Variants in MARCHF4 observed in about 807,000 individuals in gnomAD.
MARCHF4 encodes membrane associated ring-CH-type finger 4.
A neutral mutation model predicts 43.9 loss-of-function variants in MARCHF4; 14 were observed. The observed-to-expected ratio is 0.32, with a 90% CI of 0.21 to 0.50. The LOEUF (loss-of-function observed/expected upper bound fraction) is 0.50, where lower values mean the gene tolerates loss of function less well. Ranked by LOEUF, MARCHF4 falls within the 20% of genes least tolerant of loss-of-function variation. MARCHF4 has a pLI of 0.98. For missense variants in MARCHF4, 468 were observed against 536.7 expected (o/e 0.87, Z 1.27); for synonymous variants, 226 against 213.3 (o/e 1.06, Z -0.52).
intron 1 of MARCHF4, among the ~76,000 whole-genome samples, chr2:216,362,585 G>A (rs575638849): frequency 1.1e-4 from 16 of 152,286 alleles, no homozygotes; most frequent in African/African-American, 3.6e-4. Flanking sequence ...AGTACAATTC[G>A]CTGGGTTCAG....
At chr2:216,272,686 G>A (rs149597903) in intron 3 of MARCHF4, among the ~76,000 whole-genome samples, 16 of 152,220 alleles carry the variant, frequency 1.1e-4, no homozygotes, top group African/African-American at 1.9e-4. Context: ...GGGGCTAATC[G>A]GTTTCTCTCT....
rs997933342 is a variant in MARCHF4, at chr2:216,258,081, C to T, written c.*1231G>A. 3 of 152,148 alleles carry T rather than the reference C, an allele frequency of 2.0e-5. No homozygotes were observed. The highest frequency in any genetic ancestry group is 4.4e-5 in the Non-Finnish European group (3 of 68,076). The allele number at this position is 152,148 out of a possible 1,614,324, so 9.4% of individuals were successfully genotyped here. A position where few individuals can be genotyped will look rare whatever the true frequency, so the allele number is the denominator to read the frequency against. On this transcript the variant is annotated 3_prime_UTR_variant, in exon 4 of 4. Transcript: ENST00000273067. Reference sequence around the variant, plus strand: ...GGTCCCCAGAGCGAGCAGGAGGGGTCCAGGGGTAGTGCTCCCTGCCAGGCA... The same window carrying T: ...GGTCCCCAGAGCGAGCAGGAGGGGTTCAGGGGTAGTGCTCCCTGCCAGGCA...
chr2:216,310,821 C>T (rs1691674223), intron 1 of MARCHF4, among the ~76,000 whole-genome samples: 1 of 152,106 alleles, frequency 6.6e-6, no homozygotes, highest in Non-Finnish European at 1.5e-5. Flanking sequence ...TCATCCTGCA[C>T]AAGAGAGGTG....
intron 1 of MARCHF4, among the ~76,000 whole-genome samples, chr2:216,312,041 T>C (rs1691695065): frequency 6.6e-6 from 1 of 152,244 alleles, no homozygotes; most frequent in Non-Finnish European, 1.5e-5. Context: ...GTATATTGTG[T>C]ACTGGTGGGG....
At chr2:216,314,708 A>T (rs1646109561) in intron 1 of MARCHF4, among the ~76,000 whole-genome samples, 1 of 152,174 alleles carries the variant, frequency 6.6e-6, no homozygotes, top group South Asian at 2.1e-4. Context: ...AACCTCCTTT[A>T]GGTTATGTAA....
chr2:216,345,594 T>G (rs190618742), intron 1 of MARCHF4, among the ~76,000 whole-genome samples: 2 of 152,180 alleles, frequency 1.3e-5, no homozygotes, highest in African/African-American at 4.8e-5. Flanking sequence ...CCCCTAGGGA[T>G]TGACTTAATT....
chr2:216,363,675 T>C (rs1406592486), intron 1 of MARCHF4, among the ~76,000 whole-genome samples: 1 of 152,098 alleles, frequency 6.6e-6, no homozygotes, highest in Non-Finnish European at 1.5e-5. Flanking sequence ...TATCCTTGGG[T>C]CCATAATGGT....
At chr2:216,261,004 C>T (rs763961182) in intron 3 of MARCHF4, among the ~76,000 whole-genome samples, 9 of 152,120 alleles carry the variant, frequency 5.9e-5, no homozygotes, top group South Asian at 2.1e-4. Context: ...TGGACAACTT[C>T]GAAGCTCTTG....
chr2:216,365,547 G>A (rs1692652216), intron 1 of MARCHF4, among the ~76,000 whole-genome samples: 1 of 152,232 alleles, frequency 6.6e-6, no homozygotes, highest in Non-Finnish European at 1.5e-5. Context: ...GCAGTCAGGT[G>A]TGGGGGTGGG....
chr2:216,344,029 G>A (rs956065344), intron 1 of MARCHF4, among the ~76,000 whole-genome samples: 2 of 152,154 alleles, frequency 1.3e-5, no homozygotes, highest in African/African-American at 2.4e-5. Context: ...GGGGAGAGGG[G>A]ACTGATGGGA....
chr2:216,263,300 G>A (rs1014193509), intron 3 of MARCHF4, among the ~76,000 whole-genome samples: 1 of 152,046 alleles, frequency 6.6e-6, no homozygotes, highest in Non-Finnish European at 1.5e-5. Flanking sequence ...GGTGACACGC[G>A]CCTGTAATCC....
At position 216,259,527 on chromosome 2, in the gene MARCHF4, T is replaced by A; in HGVS notation, c.1018A>T (p.Thr340Ser). 6.2e-7 allele frequency: 1 copy of A among 1,614,082 alleles called. No homozygotes were observed. The highest frequency in any genetic ancestry group is 2.2e-5 in the East Asian group (1 of 44,852). The change falls in exon 4 of 4, where the codon ACC becomes TCC. Residue 340 changes from threonine (T) to serine (S), a missense_variant. By Grantham distance (58) the Thr-to-Ser change is moderately conservative. Transcript: ENST00000273067. ...GRTNPRTSSS[T>S]QANIPSSEEE... ...TCCGAGGAGGGGATATTGGCCTGGG[T>A]GGATGAGGAGGTCCGGGGGTTGGTC...
chr2:216,275,096 G>A (rs765818101), intron 3 of MARCHF4, among the ~76,000 whole-genome samples: 5 of 152,122 alleles, frequency 3.3e-5, no homozygotes, highest in Non-Finnish European at 5.9e-5. Context: ...TATGTTTTCC[G>A]AAGAAAGGGA....
At position 216,272,651 on chromosome 2, in the gene MARCHF4, C is replaced by G. The variant is rs540048970; in HGVS notation, c.865+5021G>C. 1.7e-3 allele frequency among the ~76,000 whole-genome samples: 258 copies of G among 152,294 alleles called. 1 individual carries two copies. The highest frequency in any genetic ancestry group is 5.7e-3 in the African/African-American group (235 of 41,578). On this transcript the variant is annotated intron_variant, in intron 3 of 3. Coordinates refer to ENST00000273067, the MANE Select transcript of MARCHF4 (RefSeq NM_020814.3). Reference sequence around the variant, plus strand: ...TTTCCTCATCTGTTAAATATGCATCCTAATGCTTATCCTGCTTATCTTTTG... The same window carrying G: ...TTTCCTCATCTGTTAAATATGCATCGTAATGCTTATCCTGCTTATCTTTTG...
In MARCHF4 at chr2:216,325,319, T is replaced by G. The variant is rs1574477917; in HGVS notation, c.517-41590A>C. Reference sequence around the variant, plus strand: ...CACTGCTCAATGAAATAAAAGAGGATACAAACAAATGGAAGAATATTCCAT... The same window carrying G: ...CACTGCTCAATGAAATAAAAGAGGAGACAAACAAATGGAAGAATATTCCAT... On this transcript the variant is annotated intron_variant, in intron 1 of 3. Transcript: ENST00000273067. 2.0e-5 allele frequency among the ~76,000 whole-genome samples: 3 copies of G among 152,096 alleles called. No individual in the cohort carries two copies. In the East Asian group the frequency reaches 5.8e-4, roughly 29 times the overall value.
chr2:216,287,425 G>A (rs1172938153), intron 1 of MARCHF4, among the ~76,000 whole-genome samples: 3 of 151,844 alleles, frequency 2.0e-5, no homozygotes, highest in Non-Finnish European at 4.4e-5. Context: ...AAATGCAAAG[G>A]GCACCAGACA....
intron 1 of MARCHF4, among the ~76,000 whole-genome samples, chr2:216,324,534 A>G (rs932444987): frequency 1.3e-5 from 2 of 152,086 alleles, no homozygotes; most frequent in Admixed American, 1.3e-4. Context: ...TTAGACCAAT[A>G]TCCTTGATGA....
intron 2 of MARCHF4, among the ~76,000 whole-genome samples, chr2:216,280,063 C>T (rs1189452102): frequency 1.3e-5 from 2 of 152,156 alleles, no homozygotes; most frequent in Admixed American, 1.3e-4. Flanking sequence ...CTAAATGGGG[C>T]TCCTGACTGC....
At chr2:216,362,263 T>C (rs1414586370) in intron 1 of MARCHF4, among the ~76,000 whole-genome samples, 1 of 152,234 alleles carries the variant, frequency 6.6e-6, no homozygotes, top group Non-Finnish European at 1.5e-5. Context: ...CATACCCTCA[T>C]TGCTTGGCCT....
Sources: gnomAD v4.1 joint callset for allele counts (sites outside exome capture counted in the v4.1 genomes callset) on GRCh38, gnomAD v4.1.1 for gene constraint, MANE v1.5 for transcripts, NCBI Gene and HGNC (gene_info 2026-07-23, HGNC 2026-07-21) for gene names.